GREB1: variants seen among roughly 807,000 people sequenced by gnomAD.
GREB1 encodes growth regulating estrogen receptor binding 1, also known as protein GREB1.
GREB1 carries 106 observed loss-of-function variants against 200.7 expected under a neutral mutation model. The observed-to-expected ratio is 0.53, with a 90% CI of 0.45 to 0.62. The LOEUF (loss-of-function observed/expected upper bound fraction) is 0.62. Among genes scored for constraint, GREB1 ranks in the 20% least tolerant of loss-of-function variants. The pLI, the probability that GREB1 is intolerant of heterozygous loss-of-function variation, is 0.00. For synonymous variants in GREB1, 1,132 were observed against 1,092.4 expected, an observed-to-expected ratio of 1.04 and a Z score of -0.72; for missense variants, 2,243 against 2,556.8, an observed-to-expected ratio of 0.88 and a Z score of 2.65.
At chr2:11,601,475 C>G (rs983899439) in intron 16 of GREB1, among the ~76,000 whole-genome samples, 3 of 152,170 alleles carry the variant, frequency 2.0e-5, no homozygotes, top group African/African-American at 7.2e-5. Flanking sequence ...GAGTTTTTAG[C>G]TTATCACCTG....
At chr2:11,513,393 C>T (rs551888444) in intron 1 of GREB1, among the ~76,000 whole-genome samples, 1 of 152,134 alleles carries the variant, frequency 6.6e-6, no homozygotes, top group Non-Finnish European at 1.5e-5. Context: ...CGAAGCAGCT[C>T]AGGGTCACGG....
upstream of GREB1, among the ~76,000 whole-genome samples, chr2:11,531,372 T>C (rs1446801433): frequency 1.3e-5 from 2 of 152,162 alleles, no homozygotes; most frequent in African/African-American, 4.8e-5. Context: ...CTTTCATCTG[T>C]TCCACGTTGT....
chr2:11,619,349 A>G (rs1683810729), intron 22 of GREB1, among the ~76,000 whole-genome samples: 1 of 152,182 alleles, frequency 6.6e-6, no homozygotes, highest in South Asian at 2.1e-4. Context: ...TAACAACAAA[A>G]GTCCATTTCA....
chr2:11,602,370 C>A, intron 16 of GREB1, 36 bp from the exon 17 acceptor site: 1 of 1,598,590 alleles, frequency 6.3e-7, no homozygotes, highest in East Asian at 2.2e-5. Flanking sequence ...CCTGCGAATG[C>A]AGTGTTGGAG....
At chr2:11,545,322 G>T (rs116606898) in intron 1 of GREB1, among the ~76,000 whole-genome samples, 1 of 151,636 alleles carries the variant, frequency 6.6e-6, no homozygotes, top group Non-Finnish European at 1.5e-5. Context: ...TAGCAGAGAC[G>T]GGTTGCATCA....
intron 1 of GREB1, among the ~76,000 whole-genome samples, chr2:11,498,879 C>T (rs902889493): frequency 6.6e-6 from 1 of 152,216 alleles, no homozygotes; most frequent in African/African-American, 2.4e-5. Context: ...CTCCCAGCCC[C>T]AAATGTGGCG....
intron 1 of GREB1, among the ~76,000 whole-genome samples, chr2:11,552,698 G>T (rs1282089374): frequency 6.6e-6 from 1 of 152,138 alleles, no homozygotes; most frequent in Non-Finnish European, 1.5e-5. Context: ...TTTGGTTGTG[G>T]CCACAATGGA....
At chr2:11,558,743 A>T (rs930310) in intron 2 of GREB1, among the ~76,000 whole-genome samples, 43,761 of 152,082 alleles carry the variant, frequency 0.29, 10,904 homozygotes, top group African/African-American at 0.68. Flanking sequence ...CACATCTCGT[A>T]GTGTCTGTTT....
At chr2:11,565,588 C>G (rs552387874) in intron 3 of GREB1, among the ~76,000 whole-genome samples, 1 of 152,244 alleles carries the variant, frequency 6.6e-6, no homozygotes, top group South Asian at 2.1e-4. Flanking sequence ...TTAGTCTCAG[C>G]TGGCTCTCTA....
chr2:11,610,622 T>C, intron 17 of GREB1, 66 bp from the exon 18 acceptor site: 1 of 1,237,018 alleles, frequency 8.1e-7, no homozygotes, highest in Non-Finnish European at 1.2e-6. Flanking sequence ...ATGTCTTGGG[T>C]GACTTGGCAG....
At chr2:11,585,037 C>T (rs1220125290) in intron 7 of GREB1, 124 bp from the exon 8 acceptor site, 3 of 520,300 alleles carry the variant, frequency 5.8e-6, no homozygotes, top group African/African-American at 4.0e-5. Context: ...TTAAAACCCA[C>T]GTGAATCTGT....
rs13404816 is a variant in GREB1, at chr2:11,602,360, C to T, written c.2530-46C>T. On this transcript the variant is annotated intron_variant, in intron 16 of 32. Coordinates refer to ENST00000381486, the MANE Select transcript of GREB1 (RefSeq NM_014668.4). Reference sequence around the variant, plus strand: ...CCTGGCACACGAACCTCTGACCGTCCCTGCGAATGCAGTGTTGGAGTGACC... The same window carrying T: ...CCTGGCACACGAACCTCTGACCGTCTCTGCGAATGCAGTGTTGGAGTGACC... 2.5e-3 allele frequency: 4,019 copies of T among 1,587,750 alleles called. 88 individuals carry two copies. In the African/African-American group the frequency reaches 0.045, roughly 18 times the overall value.
At chr2:11,513,023 G>A (rs1205047334) in intron 1 of GREB1, among the ~76,000 whole-genome samples, 1 of 152,158 alleles carries the variant, frequency 6.6e-6, no homozygotes, top group East Asian at 1.9e-4. Context: ...TGGGAATGGA[G>A]ATTTTGATAA....
chr2:11,567,394 G>T (rs941564315), intron 4 of GREB1, among the ~76,000 whole-genome samples: 1 of 152,150 alleles, frequency 6.6e-6, no homozygotes, highest in East Asian at 1.9e-4. Flanking sequence ...CAAAGTCCTG[G>T]GATTACAAGC....
intron 22 of GREB1, among the ~76,000 whole-genome samples, chr2:11,619,143 C>T (rs560030750): frequency 2.2e-4 from 34 of 152,278 alleles, no homozygotes; most frequent in African/African-American, 7.5e-4. Context: ...ATGTAGGGGG[C>T]GGACAGGAGA....
chr2:11,598,405 C>G (rs1681458733), intron 14 of GREB1, among the ~76,000 whole-genome samples: 1 of 152,250 alleles, frequency 6.6e-6, no homozygotes, highest in African/African-American at 2.4e-5. Flanking sequence ...TTCCCTCTGT[C>G]TTACCATGCT....
At chr2:11,638,610 T>C (rs1685569401) in intron 31 of GREB1, 61 bp from the exon 32 acceptor site, 3 of 1,532,508 alleles carry the variant, frequency 2.0e-6, no homozygotes, top group Non-Finnish European at 2.7e-6. Flanking sequence ...AAACCTGTAG[T>C]ATAATGTTAC....
intron 7 of GREB1, among the ~76,000 whole-genome samples, chr2:11,584,429 A>T (rs115812639): frequency 6.6e-6 from 1 of 152,176 alleles, no homozygotes; most frequent in African/African-American, 2.4e-5. Flanking sequence ...CAGGTGGATC[A>T]GTACTGCCCC....
At chr2:11,599,800 G>T (rs575834239) in intron 15 of GREB1, among the ~76,000 whole-genome samples, 4 of 152,020 alleles carry the variant, frequency 2.6e-5, no homozygotes, top group Non-Finnish European at 5.9e-5. Context: ...GATTACAGGC[G>T]TGAGCCACCG....
Sources: gnomAD v4.1 joint callset for allele counts (sites outside exome capture counted in the v4.1 genomes callset) on GRCh38, gnomAD v4.1.1 for gene constraint, MANE v1.5 for transcripts, NCBI Gene and HGNC (gene_info 2026-07-23, HGNC 2026-07-21) for gene names.